The following OTOF variants were observed in gnomAD, a reference collection of about 807,000 sequenced individuals.
The protein encoded by OTOF is otoferlin, also known as fer-1-like family member 2.
OTOF carries 218 observed loss-of-function variants against 236.8 expected under a neutral mutation model. That is an observed-to-expected ratio of 0.92 (90% CI 0.82 to 1.03). OTOF has a LOEUF of 1.03. OTOF is among the 50% of genes least tolerant of loss of function. The probability of loss-of-function intolerance (pLI) is 0.00; values close to 1 mark genes in which losing one functional copy is unlikely to be tolerated. For synonymous variants in OTOF, 1,041 were observed against 1,072.5 expected, an observed-to-expected ratio of 0.97 and a Z score of 0.57; for missense variants, 2,590 against 2,694.4, an observed-to-expected ratio of 0.96 and a Z score of 0.86.
At chr2:26,483,375 C>G in intron 13 of OTOF, 87 bp downstream of exon 13, 1 of 1,250,938 alleles carries the variant, frequency 8.0e-7, no homozygotes. Context: ...TCTTACCTGC[C>G]CAGCTGCCCC....
rs758884893 is a variant in OTOF, at chr2:26,461,000, G to C, written c.5564C>G (p.Pro1855Arg). 1.9e-6 allele frequency: 3 copies of C among 1,613,450 alleles called. No homozygotes were observed. The highest frequency in any genetic ancestry group is 2.5e-6 in the Non-Finnish European group (3 of 1,179,920). The part of the protein sequence containing the change: ...GAIELDLNRF[P>R]RGAKTAKQCT... ...CTGCTTGGCTGTCTTTGCGCCCCGC[G>C]GGAACCGGTTCAGGTCCAGCTCGAT... The change falls in exon 44 of 47, where the codon CCG becomes CGG. Residue 1855 changes from proline to arginine, a missense_variant. This residue lies in a region of OTOF where 1,211 missense variants were observed against 1,352.8 expected (regional missense o/e 0.90). Transcript: ENST00000272371. This position sits in a 1 kb window ranked among gnomAD's most constrained non-coding sequence, Gnocchi z 5.3.
In OTOF at chr2:26,473,034, G is replaced by A; in HGVS notation, c.3733+98C>T. ...CTATGCCCACCCCCTCGGCCCCAAA[G>A]AGCAAACTCTGGTCGCGGCTTGGAC... On this transcript the variant is annotated intron_variant, in intron 29 of 46. Coordinates refer to ENST00000272371, the MANE Select transcript of OTOF (RefSeq NM_194248.3). This position sits in a 1 kb window ranked among gnomAD's most constrained non-coding sequence, Gnocchi z 7.2. 1 of 1,353,182 alleles carries A rather than the reference G, an allele frequency of 7.4e-7. No homozygotes were observed. Among genetic ancestry groups the A allele is most frequent in the East Asian group, 2.3e-5 (1 of 43,474 alleles). 83.8% of individuals were successfully genotyped at this position (1,353,182 alleles called of 1,614,324 possible).
Position 26,544,840 on chromosome 2 carries a change from A to T in OTOF, c.80-7066T>A, listed in dbSNP as rs143653971. Among the ~76,000 whole-genome samples, 1,156 of 152,094 alleles carry T rather than the reference A, an allele frequency of 7.6e-3. 4 individuals are homozygous for T. The highest frequency in any genetic ancestry group is 0.021 in the Admixed American group (318 of 15,284). On this transcript the variant is annotated intron_variant, in intron 1 of 46. Transcript: ENST00000272371. ...ATCATGAGGTCAGGAGATGGAGACC[A>T]TCATGGCTAACACGGTGAAACCCTG...
At position 26,467,401 on chromosome 2, in the gene OTOF, G is replaced by A. The variant is rs1664784115; in HGVS notation, c.4191C>T (p.Ala1397=). The A allele has an allele frequency of 6.2e-7, 1 of 1,613,688 alleles. No homozygotes were observed. The highest frequency in any genetic ancestry group is 1.1e-5 in the South Asian group (1 of 91,038). ...QSSGSGQGSE[A]PEKKKPKIDE... ...CAATCTTGGGTTTCTTCTTCTCGGG[G>A]GCCTCGGACCCCTGGCCAGAGCCAG... is the stretch of plus-strand genomic sequence containing the variant. Residue 1397 remains alanine (A), a synonymous_variant, in exon 34 of 47, where the codon GCC becomes GCT. Transcript: ENST00000272371.
intron 2 of OTOF, among the ~76,000 whole-genome samples, chr2:26,530,292 G>A (rs545251522): frequency 5.3e-5 from 8 of 152,124 alleles, no homozygotes; most frequent in East Asian, 1.9e-4. Context: ...GCCTGGCTGC[G>A]GGGCGAGGGC....
intron 2 of OTOF, among the ~76,000 whole-genome samples, chr2:26,528,956 G>A (rs1179349694): frequency 6.6e-6 from 1 of 152,248 alleles, no homozygotes; most frequent in Non-Finnish European, 1.5e-5. Flanking sequence ...ATAGAGTACA[G>A]CAGGGCAAGG....
At chr2:26,526,251 T>C (rs1275910677) in intron 3 of OTOF, among the ~76,000 whole-genome samples, 1 of 150,280 alleles carries the variant, frequency 6.7e-6, no homozygotes, top group Non-Finnish European at 1.5e-5. Context: ...AAAGGAAGGA[T>C]GGGTGAATGG....
At chr2:26,541,033 G>A (rs11126560) in intron 1 of OTOF, among the ~76,000 whole-genome samples, 40,838 of 152,146 alleles carry the variant, frequency 0.27, 7,259 homozygotes, top group East Asian at 0.7. Context: ...TGTGTATGGG[G>A]GCTTCCCCTA....
At chr2:26,469,616 T>C (rs757982045) in intron 32 of OTOF, among the ~76,000 whole-genome samples, 14 of 152,194 alleles carry the variant, frequency 9.2e-5, no homozygotes, top group Non-Finnish European at 1.9e-4. Context: ...AATTAGAACA[T>C]GATGTTGAGT....
intron 1 of OTOF, among the ~76,000 whole-genome samples, chr2:26,540,393 G>C (rs571157652): frequency 6.6e-6 from 1 of 152,192 alleles, no homozygotes; most frequent in African/African-American, 2.4e-5. Flanking sequence ...AGAAAACCTG[G>C]GAGCCCGGGC....
chr2:26,541,575 G>A (rs944456343), intron 1 of OTOF, among the ~76,000 whole-genome samples: 12 of 152,182 alleles, frequency 7.9e-5, no homozygotes, highest in Admixed American at 7.9e-4. Flanking sequence ...TATTCAAGTG[G>A]TTCTGTTCTG....
intron 2 of OTOF, among the ~76,000 whole-genome samples, chr2:26,529,098 G>C (rs999154564): frequency 6.6e-6 from 1 of 152,118 alleles, no homozygotes; most frequent in Admixed American, 6.5e-5. Flanking sequence ...CCTCAGCAGG[G>C]GTCCCTGTCC....
Position 26,481,027 on chromosome 2 carries a change from A to G in OTOF, c.1580-18T>C, listed in dbSNP as rs770116268. Reference sequence around the variant, plus strand: ...CAGGAAGCCTGTGGCAGTGGGAACAAAAATGAGGGGGCAGCGTCACATCCA... The same window carrying G: ...CAGGAAGCCTGTGGCAGTGGGAACAGAAATGAGGGGGCAGCGTCACATCCA... On this transcript the variant is annotated intron_variant, in intron 14 of 46. Transcript: ENST00000272371. 8 of 1,585,588 alleles carry G rather than the reference A, an allele frequency of 5.0e-6. No individual in the cohort carries two copies. The highest frequency in any genetic ancestry group is 6.9e-6 in the Non-Finnish European group (8 of 1,155,334).
At chr2:26,554,945 GGATA>G (rs1667550128) in intron 1 of OTOF, among the ~76,000 whole-genome samples, 1 of 152,142 alleles carries the variant, frequency 6.6e-6, no homozygotes, top group Non-Finnish European at 1.5e-5. Flanking sequence ...AAGGCTCAGG[GGATA>G]GAAAGAGAAG....
rs761804786 is a variant in OTOF, at chr2:26,516,574, T to A, written c.353A>T (p.Tyr118Phe). 10 of 1,608,866 alleles carry A rather than the reference T, an allele frequency of 6.2e-6. No individual in the cohort carries two copies. Among genetic ancestry groups the A allele is most frequent in the Non-Finnish European group, 8.5e-6 (10 of 1,179,970 alleles). The part of the protein sequence containing the change: ...IKTSLCVEVR[Y>F]QATDGTVGSW... ...GCCCACTGTGCCGTCAGTGGCCTGATACCGGACCTCCACGCACAGGCTGGT... is the reference window on the plus strand; with the variant it reads ...GCCCACTGTGCCGTCAGTGGCCTGAAACCGGACCTCCACGCACAGGCTGGT... The change falls in exon 5 of 47, where the codon TAT becomes TTT. Residue 118 changes from tyrosine (Y) to phenylalanine (F), a missense_variant. Around this residue, in one of 2 missense-constraint regions of OTOF, gnomAD observed 1,379 missense variants for 1,341.6 expected, o/e 1.03. Coordinates refer to ENST00000272371, the MANE Select transcript of OTOF (RefSeq NM_194248.3).
intron 31 of OTOF, 106 bp downstream of exon 31, chr2:26,471,015 G>A (rs1396187276): frequency 9.9e-6 from 14 of 1,417,108 alleles, no homozygotes; most frequent in East Asian, 9.1e-5. Context: ...CCAAGCATGC[G>A]GGGGCTGGGG....
At chr2:26,465,917 G>T in intron 37 of OTOF, 32 bp downstream of exon 37, 4 of 1,614,238 alleles carry the variant, frequency 2.5e-6, no homozygotes, top group South Asian at 1.1e-5. Flanking sequence ...AGAAGTAGGG[G>T]TGTGGCAGGG....
chr2:26,522,266 A>G (rs1666695391), intron 3 of OTOF, among the ~76,000 whole-genome samples: 1 of 152,246 alleles, frequency 6.6e-6, no homozygotes, highest in African/African-American at 2.4e-5. Context: ...AGCCTTATGT[A>G]AAGTATAAAG....
At position 26,461,745 on chromosome 2, in the gene OTOF, G is replaced by A. The variant is rs760473764; in HGVS notation, c.5484C>T (p.Leu1828=). ...DETEYKIPAR[L]TLQIWDADHF... is the part of the protein sequence containing the mutation. Reference sequence around the variant, plus strand: ...GGTCCGCATCCCAGATCTGCAGGGTGAGCCGCGCGGGGATCTTGTACTCGG... The same window carrying A: ...GGTCCGCATCCCAGATCTGCAGGGTAAGCCGCGCGGGGATCTTGTACTCGG... Residue 1828 remains leucine, a synonymous_variant, in exon 43 of 47, where the codon CTC becomes CTT. Transcript: ENST00000272371. This position sits in a 1 kb window ranked among gnomAD's most constrained non-coding sequence, Gnocchi z 6.2. The A allele has an allele frequency of 1.2e-6, 2 of 1,614,198 alleles. No homozygotes were observed. Among genetic ancestry groups the A allele is most frequent in the Non-Finnish European group, 1.7e-6 (2 of 1,180,034 alleles).
Sources: gnomAD v4.1 joint callset for allele counts (sites outside exome capture counted in the v4.1 genomes callset) on GRCh38, gnomAD v4.1.1 for gene constraint, gnomAD v4.1.1 regional missense constraint, Gnocchi (gnomAD v3.1) non-coding constraint, MANE v1.5 for transcripts, NCBI Gene and HGNC (gene_info 2026-07-23, HGNC 2026-07-21) for gene names.